MCPH1: variants seen among roughly 807,000 people sequenced by gnomAD.
The protein encoded by MCPH1 is microcephalin 1.
MCPH1 carries 104 observed loss-of-function variants against 84.5 expected under a neutral mutation model. The ratio of observed to expected loss-of-function variants is 1.23; its 90% CI spans 1.05 to 1.45. MCPH1 has a LOEUF of 1.45. MCPH1 is among the 40% of genes most tolerant of loss of function. The pLI is 0.00. For missense variants in MCPH1, 1,498 were observed against 1,005.7 expected, an observed-to-expected ratio of 1.49 and a Z score of -6.62; for synonymous variants, 514 against 366.8, an observed-to-expected ratio of 1.40 and a Z score of -4.58.
At chr8:6,577,317 C>T (rs1827204377) in intron 12 of MCPH1, among the ~76,000 whole-genome samples, 1 of 152,186 alleles carries the variant, frequency 6.6e-6, no homozygotes, top group Non-Finnish European at 1.5e-5. Flanking sequence ...TGCTCCAGAA[C>T]CCGGTGCATT....
chr8:6,504,589 C>T (rs1469075346), intron 12 of MCPH1, among the ~76,000 whole-genome samples: 5 of 152,008 alleles, frequency 3.3e-5, no homozygotes, highest in Non-Finnish European at 4.4e-5. Context: ...ATGATGCTGG[C>T]AATTCAGATA....
At chr8:6,558,864 T>C (rs1825067922) in intron 12 of MCPH1, among the ~76,000 whole-genome samples, 1 of 152,190 alleles carries the variant, frequency 6.6e-6, no homozygotes, top group South Asian at 2.1e-4. Flanking sequence ...TTATATTTTA[T>C]ATACTGTATA....
chr8:6,620,312 A>G (rs1426927070), intron 12 of MCPH1: 3 of 152,264 alleles, frequency 2.0e-5, no homozygotes, highest in African/African-American at 2.4e-5. Flanking sequence ...TGCTGGAGCT[A>G]TATTTTCACA....
chr8:6,523,288 C>A (rs918480369), intron 12 of MCPH1, among the ~76,000 whole-genome samples: 1 of 151,854 alleles, frequency 6.6e-6, no homozygotes, highest in Admixed American at 6.6e-5. Context: ...TGAGCCACCA[C>A]GCCTGGCAGA....
chr8:6,582,868 G>A (rs1046758326), intron 12 of MCPH1, among the ~76,000 whole-genome samples: 4 of 152,184 alleles, frequency 2.6e-5, no homozygotes, highest in Admixed American at 6.5e-5. Context: ...AGCCCCACAA[G>A]TGTCGCAGCT....
intron 12 of MCPH1, among the ~76,000 whole-genome samples, chr8:6,571,368 G>C (rs886216613): frequency 6.6e-6 from 1 of 152,108 alleles, no homozygotes; most frequent in Non-Finnish European, 1.5e-5. Context: ...TAGTGGCTTT[G>C]AGGTGGGCTT....
chr8:6,436,281 C>G lies in MCPH1; in HGVS notation c.436+119C>G, dbSNP rs538016744. Reference sequence around the variant, plus strand: ...TGATGAAGACTATGATAGCTTTACTCTATGAAGGAGAAAACAAAATGTCAG... The same window carrying G: ...TGATGAAGACTATGATAGCTTTACTGTATGAAGGAGAAAACAAAATGTCAG... On this transcript the variant is annotated intron_variant, in intron 5 of 13. Coordinates refer to ENST00000344683, the MANE Select transcript of MCPH1 (RefSeq NM_024596.5). 5 of 1,125,086 alleles carry G rather than the reference C, an allele frequency of 4.4e-6. No homozygotes were observed. In the East Asian group the frequency reaches 1.1e-4, roughly 24 times the overall value. The allele number at this position is 1,125,086 out of a possible 1,614,324, so 69.7% of individuals were successfully genotyped here.
chr8:6,556,964 A>G (rs1285065079), intron 12 of MCPH1, among the ~76,000 whole-genome samples: 1 of 152,184 alleles, frequency 6.6e-6, no homozygotes, highest in Non-Finnish European at 1.5e-5. Flanking sequence ...AAGGCACTCG[A>G]TAAATATTTT....
chr8:6,624,014 G>A (rs1021998154), intron 13 of MCPH1, among the ~76,000 whole-genome samples: 4 of 152,222 alleles, frequency 2.6e-5, no homozygotes, highest in African/African-American at 7.2e-5. Context: ...CTCTGCACTC[G>A]TGTTTCCAGG....
At chr8:6,527,420 C>T (rs1271974602) in intron 12 of MCPH1, 1 of 1,059,764 alleles carries the variant, frequency 9.4e-7, no homozygotes, top group Non-Finnish European at 1.3e-6. Context: ...CTCCCTTCTC[C>T]TCCCTCATGA....
At chr8:6,460,942 T>G (rs939926728) in intron 9 of MCPH1, among the ~76,000 whole-genome samples, 2 of 152,210 alleles carry the variant, frequency 1.3e-5, no homozygotes, top group African/African-American at 4.8e-5. Context: ...TTCAAACTAC[T>G]TAGTCCACCA....
At chr8:6,567,358 T>C (rs145828852) in intron 12 of MCPH1, among the ~76,000 whole-genome samples, 4 of 151,830 alleles carry the variant, frequency 2.6e-5, no homozygotes, top group Admixed American at 6.5e-5. Context: ...GCGGTGACCA[T>C]GTTTGATCGG....
At chr8:6,479,536 G>A (rs1350694632) in intron 10 of MCPH1, among the ~76,000 whole-genome samples, 1 of 151,788 alleles carries the variant, frequency 6.6e-6, no homozygotes, top group East Asian at 1.9e-4. Flanking sequence ...CCGGGTTCAC[G>A]CCATTCTCCT....
intron 12 of MCPH1, among the ~76,000 whole-genome samples, chr8:6,619,389 C>A (rs552948705): frequency 6.6e-6 from 1 of 152,172 alleles, no homozygotes; most frequent in East Asian, 1.9e-4. Context: ...CTCCCAGATT[C>A]AAGCGATTCT....
At chr8:6,572,198 AT>A (rs1457670017) in intron 12 of MCPH1, among the ~76,000 whole-genome samples, 6 of 146,800 alleles carry the variant, frequency 4.1e-5, no homozygotes, top group Non-Finnish European at 7.5e-5. Flanking sequence ...AAAAAAAAAA[AT>A]GAGTAACGTT....
chr8:6,444,281 T>C lies in MCPH1; in HGVS notation c.671-112T>C, dbSNP rs189646555. On this transcript the variant is annotated intron_variant, in intron 7 of 13. Transcript: ENST00000344683. ...AGAAGAACTCAAGTGTGGTTAATAG[T>C]CTTCTTAACTAATAGCTGTACTTTA... The C allele has an allele frequency of 4.0e-3, 4,988 of 1,231,894 alleles. 13 individuals are homozygous for C. The highest frequency in any genetic ancestry group is 5.1e-3 in the Non-Finnish European group (4,395 of 868,836). The allele number at this position is 1,231,894 out of a possible 1,614,324, so 76.3% of individuals were successfully genotyped here.
At chr8:6,433,877 C>A (rs1802239686) in intron 4 of MCPH1, among the ~76,000 whole-genome samples, 1 of 152,052 alleles carries the variant, frequency 6.6e-6, no homozygotes, top group Non-Finnish European at 1.5e-5. Context: ...TCTCCCCCCT[C>A]ACCCTGTCTG....
chr8:6,608,485 G>A (rs897259849), intron 12 of MCPH1, among the ~76,000 whole-genome samples: 3 of 152,132 alleles, frequency 2.0e-5, no homozygotes, highest in Non-Finnish European at 2.9e-5. Context: ...AGGGACTCAG[G>A]GACTCTGTTT....
chr8:6,446,428 C>G (rs1232351951), intron 8 of MCPH1: 1 of 985,176 alleles, frequency 1.0e-6, no homozygotes, highest in African/African-American at 1.7e-5. Flanking sequence ...GAAATCATCA[C>G]AGACATGTTA....
Sources: allele counts gnomAD v4.1 joint callset (sites outside exome capture counted in the v4.1 genomes callset), GRCh38; gene constraint gnomAD v4.1.1; transcripts MANE v1.5; gene names NCBI Gene and HGNC (gene_info 2026-07-23, HGNC 2026-07-21).